Variants in NSMCE2 observed in about 807,000 individuals in gnomAD.
NSMCE2 encodes E3 SUMO-protein ligase NSE2.
In NSMCE2, 24 loss-of-function variants were observed where a neutral mutation model predicts 23.8. The ratio of observed to expected loss-of-function variants is 1.01; its 90% CI spans 0.73 to 1.42. NSMCE2 has a LOEUF of 1.42. Among genes scored for constraint, NSMCE2 ranks in the 40% most tolerant of loss-of-function variants. The pLI is 0.00. For missense variants in NSMCE2, 284 were observed against 296.5 expected (o/e 0.96, Z 0.31); for synonymous variants, 92 against 94.1 (o/e 0.98, Z 0.13).
At chr8:125,124,470 T>TTCTC (rs376240525) in intron 3 of NSMCE2, among the ~76,000 whole-genome samples, 2,622 of 146,288 alleles carry the variant, frequency 0.018, 26 homozygotes, top group South Asian at 0.026. Flanking sequence ...TCCTCAGGAT[T>TTCTC]TCTCTCTCTC....
chr8:125,366,079 A>G (rs1357328096), intron 7 of NSMCE2, among the ~76,000 whole-genome samples: 2 of 152,084 alleles, frequency 1.3e-5, no homozygotes, highest in African/African-American at 2.4e-5. Flanking sequence ...CCTGCCCTAG[A>G]TAAGATGTGT....
intron 4 of NSMCE2, among the ~76,000 whole-genome samples, chr8:125,178,739 G>A (rs375402267): frequency 8.1e-5 from 12 of 148,330 alleles, no homozygotes; most frequent in African/African-American, 2.6e-4. Flanking sequence ...GCATGGTGAC[G>A]GGCACCTGTA....
chr8:125,300,899 G>A (rs1828537555), intron 5 of NSMCE2, among the ~76,000 whole-genome samples: 1 of 152,122 alleles, frequency 6.6e-6, no homozygotes, highest in Non-Finnish European at 1.5e-5. Context: ...ATTCCACCTG[G>A]GCTCTGTAGC....
At chr8:125,304,289 G>A (rs867454569) in intron 5 of NSMCE2, among the ~76,000 whole-genome samples, 56 of 152,268 alleles carry the variant, frequency 3.7e-4, no homozygotes, top group African/African-American at 1.3e-3. Context: ...AAGATATTTA[G>A]CATAGTAAGT....
chr8:125,285,996 A>G (rs1827879176), intron 5 of NSMCE2, among the ~76,000 whole-genome samples: 2 of 151,878 alleles, frequency 1.3e-5, no homozygotes, highest in Non-Finnish European at 2.9e-5. Flanking sequence ...CCATTTTTAC[A>G]GCCTCCATTG....
intron 3 of NSMCE2, among the ~76,000 whole-genome samples, chr8:125,143,110 A>C (rs1416547266): frequency 6.6e-6 from 1 of 152,060 alleles, no homozygotes; most frequent in African/African-American, 2.4e-5. Flanking sequence ...ACACACACAC[A>C]CACACACACA....
intron 5 of NSMCE2, among the ~76,000 whole-genome samples, chr8:125,354,634 T>A (rs1272108559): frequency 6.6e-6 from 1 of 151,200 alleles, no homozygotes; most frequent in East Asian, 2.0e-4. Context: ...TCCCAAGCCC[T>A]GAGATCTTCA....
intron 5 of NSMCE2, among the ~76,000 whole-genome samples, chr8:125,243,785 G>A (rs35955519): frequency 9.9e-5 from 15 of 151,954 alleles, no homozygotes; most frequent in African/African-American, 2.7e-4. Flanking sequence ...TAATAGTCCC[G>A]CATGCTAAAA....
chr8:125,156,509 G>A (rs1821319580), intron 4 of NSMCE2, among the ~76,000 whole-genome samples: 2 of 152,114 alleles, frequency 1.3e-5, no homozygotes, highest in Admixed American at 6.5e-5. Flanking sequence ...TAGAAGCCTG[G>A]TGAGGGAGAA....
At chr8:125,302,678 C>G (rs773171647) in intron 5 of NSMCE2, among the ~76,000 whole-genome samples, 1 of 152,076 alleles carries the variant, frequency 6.6e-6, no homozygotes, top group Non-Finnish European at 1.5e-5. Context: ...AATGGCCTGT[C>G]CCGAGAAAGG....
At chr8:125,252,608 CTT>C (rs1354050117) in intron 5 of NSMCE2, among the ~76,000 whole-genome samples, 1 of 152,166 alleles carries the variant, frequency 6.6e-6, no homozygotes, top group Non-Finnish European at 1.5e-5. Flanking sequence ...TGGCATGTGT[CTT>C]ATTATCAATG....
chr8:125,272,085 C>G (rs1827223649), intron 5 of NSMCE2, among the ~76,000 whole-genome samples: 2 of 147,892 alleles, frequency 1.4e-5, no homozygotes, highest in Non-Finnish European at 3.0e-5. Context: ...GCTATCTCAG[C>G]TCACTGCAAG....
At chr8:125,202,415 G>A (rs1256150336) in intron 5 of NSMCE2, among the ~76,000 whole-genome samples, 1 of 152,160 alleles carries the variant, frequency 6.6e-6, no homozygotes, top group East Asian at 1.9e-4. Flanking sequence ...GATAACAGTG[G>A]TACAGATAGA....
At chr8:125,137,185 C>T (rs1214080735) in intron 3 of NSMCE2, among the ~76,000 whole-genome samples, 2 of 152,098 alleles carry the variant, frequency 1.3e-5, no homozygotes, top group Admixed American at 1.3e-4. Flanking sequence ...GACACTTCTA[C>T]TCTTTCCTGA....
intron 5 of NSMCE2, among the ~76,000 whole-genome samples, chr8:125,279,770 T>G (rs886146899): frequency 6.6e-6 from 1 of 152,208 alleles, no homozygotes; most frequent in African/African-American, 2.4e-5. Flanking sequence ...GCCTATCTCC[T>G]TAGTGGATGG....
intron 5 of NSMCE2, among the ~76,000 whole-genome samples, chr8:125,321,283 C>T (rs1245744498): frequency 6.6e-6 from 1 of 152,100 alleles, no homozygotes; most frequent in African/African-American, 2.4e-5. Context: ...ATATTCTAAC[C>T]TCTGTAATCA....
chr8:125,202,570 A>T (rs527635992), intron 5 of NSMCE2, among the ~76,000 whole-genome samples: 52 of 152,356 alleles, frequency 3.4e-4, no homozygotes, highest in Non-Finnish European at 6.6e-4. Context: ...ATATAATAAT[A>T]ATGCTAACTA....
intron 5 of NSMCE2, among the ~76,000 whole-genome samples, chr8:125,304,347 A>G (rs534367122): frequency 1.5e-4 from 23 of 152,248 alleles, no homozygotes; most frequent in Non-Finnish European, 2.6e-4. Flanking sequence ...TACTTTACCT[A>G]TGGGAGCCTG....
chr8:125,256,922 C>CAAAAAAAAAAAAAAA lies in NSMCE2; in HGVS notation c.418+74689_418+74703dup, dbSNP rs60308659. ...TGGGCGACAAAGCAAGACTCTGTGT[C>CAAAAAAAAAAAAAAA]AAAAAAAAAAAAAAAAAAAAAAAAA... On this transcript the variant is annotated intron_variant, in intron 5 of 7. Transcript: ENST00000287437. Among the ~76,000 whole-genome samples the CAAAAAAAAAAAAAAA allele has an allele frequency of 3.5e-4, 9 of 26,064 alleles. 1 individual carries two copies. The highest frequency in any genetic ancestry group is 7.7e-4 in the African/African-American group (7 of 9,088). The allele number at this position is 26,064 out of a possible 152,430, so 17.1% of individuals were successfully genotyped here.
Sources: allele counts gnomAD v4.1 joint callset (sites outside exome capture counted in the v4.1 genomes callset), GRCh38; gene constraint gnomAD v4.1.1; transcripts MANE v1.5; gene names NCBI Gene and HGNC (gene_info 2026-07-23, HGNC 2026-07-21).